QTGAL: variants seen among roughly 807,000 people sequenced by gnomAD.
QTGAL encodes the protein BGnT-like protein 1.
chr17:83,002,083 C>A, the QTGAL span, among the ~76,000 whole-genome samples: 1 of 151,064 alleles, frequency 6.6e-6, no homozygotes, highest in African/African-American at 2.4e-5. Context: ...ATTTCCCACA[C>A]TATACTGGCA....
chr17:82,972,528 T>C, the QTGAL span, among the ~76,000 whole-genome samples: 1 of 114,038 alleles, frequency 8.8e-6, no homozygotes, highest in South Asian at 3.2e-4. Context: ...AAGGACCTGG[T>C]GCCGACCACA....
chr17:83,016,212 C>T, the QTGAL span, among the ~76,000 whole-genome samples: 6 of 152,158 alleles, frequency 3.9e-5, no homozygotes, highest in African/African-American at 1.4e-4. Flanking sequence ...GGTTTAAGTA[C>T]ATGAGTAAAA....
the QTGAL span, among the ~76,000 whole-genome samples, chr17:83,049,625 T>C: frequency 1.3e-5 from 2 of 152,016 alleles, no homozygotes; most frequent in Non-Finnish European, 2.9e-5. Context: ...TGCAACAAAG[T>C]AACCCCTTTA....
At chr17:82,971,149 G>A in the QTGAL span, among the ~76,000 whole-genome samples, 3 of 152,154 alleles carry the variant, frequency 2.0e-5, no homozygotes, top group Admixed American at 1.3e-4. Flanking sequence ...GTTTCACGGG[G>A]ACAAACCACA....
chr17:83,010,781 C>G, the QTGAL span, among the ~76,000 whole-genome samples: 1 of 152,208 alleles, frequency 6.6e-6, no homozygotes. Context: ...AGGCAAGGAG[C>G]GGGGAACGGC....
At chr17:82,962,755 G>GA in the QTGAL span, among the ~76,000 whole-genome samples, 1 of 152,202 alleles carries the variant, frequency 6.6e-6, no homozygotes. Context: ...TTTAAGAAGA[G>GA]AAAAAAGGTT....
At chr17:82,957,110 T>C in the QTGAL span, 6,806 of 1,590,980 alleles carry the variant, frequency 4.3e-3, 280 homozygotes, top group African/African-American at 0.079. Flanking sequence ...GGGGGAAGGC[T>C]CGGAGCAGCT....
At chr17:83,048,546 T>G in the QTGAL span, 4 of 1,614,126 alleles carry the variant, frequency 2.5e-6, no homozygotes, top group South Asian at 4.4e-5. Flanking sequence ...ACTCTCCATT[T>G]TTCAATGATA....
chr17:82,960,929 C>A, the QTGAL span: 1 of 1,363,940 alleles, frequency 7.3e-7, no homozygotes. Context: ...TCCCACCAGA[C>A]CCTGGGTCTC....
At chr17:82,957,424 T>C in the QTGAL span, 1 of 1,612,750 alleles carries the variant, frequency 6.2e-7, no homozygotes, top group Non-Finnish European at 8.5e-7. Context: ...GCGTTCCAGA[T>C]GGTGAAGGCC....
At chr17:82,957,527 G>C in the QTGAL span, 1 of 1,576,392 alleles carries the variant, frequency 6.3e-7, no homozygotes. Context: ...AGGCAGGCCG[G>C]AGGCCCCACA....
the QTGAL span, among the ~76,000 whole-genome samples, chr17:82,954,628 CTACTT>C: frequency 6.6e-6 from 1 of 152,168 alleles, no homozygotes; most frequent in East Asian, 1.9e-4. Context: ...CCAGAAAAAA[CTACTT>C]TAAATTTCAT....
At chr17:82,962,886 G>A in the QTGAL span, among the ~76,000 whole-genome samples, 1 of 141,308 alleles carries the variant, frequency 7.1e-6, no homozygotes, top group Non-Finnish European at 1.6e-5. Context: ...GGAGGGGGAC[G>A]CAGAGGATCT....
the QTGAL span, among the ~76,000 whole-genome samples, chr17:83,026,519 CA>C: frequency 6.7e-6 from 1 of 149,440 alleles, no homozygotes. Context: ...CCTCAACAGA[CA>C]CACAGAGCGG....
chr17:82,961,485 A>G, the QTGAL span, among the ~76,000 whole-genome samples: 3 of 152,154 alleles, frequency 2.0e-5, no homozygotes, highest in Non-Finnish European at 1.5e-5. Context: ...CAGCCGAGGA[A>G]AGGGGCTGGG....
the QTGAL span, among the ~76,000 whole-genome samples, chr17:83,028,636 G>C: frequency 1.4e-3 from 217 of 152,184 alleles, no homozygotes; most frequent in Middle Eastern, 0.01. Context: ...TGAAAATTAA[G>C]GCCGACAGCA....
the QTGAL span, chr17:82,943,948 G>A: frequency 2.0e-5 from 3 of 152,362 alleles, no homozygotes; most frequent in Admixed American, 1.3e-4. Context: ...CTTGGCTCCT[G>A]TGGTCGGCAC....
the QTGAL span, among the ~76,000 whole-genome samples, chr17:83,038,994 G>A: frequency 1.3e-4 from 13 of 97,126 alleles, no homozygotes; most frequent in South Asian, 1.5e-3. Flanking sequence ...TCAAACCAAC[G>A]AAAGATAATG....
the QTGAL span, among the ~76,000 whole-genome samples, chr17:83,045,837 C>T: frequency 0.03 from 4,562 of 151,924 alleles, 234 homozygotes; most frequent in African/African-American, 0.1. Context: ...TTTTTTGAGA[C>T]GGAGTTTTGC....
Sources: allele counts gnomAD v4.1 joint callset (sites outside exome capture counted in the v4.1 genomes callset), GRCh38; gene constraint gnomAD v4.1.1; transcripts MANE v1.5; gene names NCBI Gene and HGNC (gene_info 2026-07-23, HGNC 2026-07-21).